Variants in SPHKAP observed in about 807,000 individuals in gnomAD.
SPHKAP encodes SPHK1 interactor, AKAP domain containing, also known as A-kinase anchor protein SPHKAP.
A neutral mutation model predicts 137.5 loss-of-function variants in SPHKAP; 67 were observed. The observed-to-expected ratio is 0.49, with a 90% CI of 0.40 to 0.60. The LOEUF (loss-of-function observed/expected upper bound fraction) is 0.60. Ranked by LOEUF, SPHKAP falls within the 20% of genes least tolerant of loss-of-function variation. The pLI is 0.00. For synonymous variants in SPHKAP, 813 were observed against 785.3 expected (o/e 1.04, Z -0.59); for missense variants, 2,097 against 2,069.3 (o/e 1.01, Z -0.26).
intron 3 of SPHKAP, among the ~76,000 whole-genome samples, chr2:228,030,435 A>T (rs1237390652): frequency 9.1e-6 from 1 of 109,440 alleles, no homozygotes; most frequent in Non-Finnish European, 1.8e-5. Context: ...AATCGCTTGA[A>T]GCTGGGAGGC....
chr2:228,077,038 G>T (rs909980567), intron 3 of SPHKAP, among the ~76,000 whole-genome samples: 1 of 152,206 alleles, frequency 6.6e-6, no homozygotes, highest in Admixed American at 6.5e-5. Context: ...TAGGGCTCAG[G>T]TTGTTGCTTC....
At chr2:228,075,508 T>C (rs1268487285) in intron 3 of SPHKAP, among the ~76,000 whole-genome samples, 5 of 152,198 alleles carry the variant, frequency 3.3e-5, no homozygotes, top group Non-Finnish European at 7.3e-5. Flanking sequence ...TTTTGAAATT[T>C]CTAGTAGGTT....
At chr2:228,180,243 C>T (rs919280283) in intron 1 of SPHKAP, among the ~76,000 whole-genome samples, 2 of 152,118 alleles carry the variant, frequency 1.3e-5, no homozygotes, top group Admixed American at 6.5e-5. Context: ...TTGCTATCCC[C>T]GCAGCGAAGG....
chr2:228,108,880 C>T lies in SPHKAP; in HGVS notation c.198G>A (p.Met66Ile). 1 of 1,610,340 alleles carries T rather than the reference C, an allele frequency of 6.2e-7. No homozygotes were observed. Among genetic ancestry groups the T allele is most frequent in the Non-Finnish European group, 8.5e-7 (1 of 1,179,192 alleles). The change falls in exon 3 of 12, where the codon ATG becomes ATA. Residue 66 changes from methionine to isoleucine, a missense_variant. Met to Ile is a conservative substitution (Grantham distance 10). Coordinates refer to ENST00000392056, the MANE Select transcript of SPHKAP (RefSeq NM_001142644.2). ...STDYWLQNQRMPCQIGFVEDK... is the reference protein window; with the variant it reads ...STDYWLQNQRIPCQIGFVEDK... ...CTTCTACAAAACCAATTTGGCAGGG[C>T]ATCCTCTGATTCTGCAACCAGTAGT... is the stretch of plus-strand genomic sequence containing the variant.
intron 3 of SPHKAP, among the ~76,000 whole-genome samples, chr2:228,099,706 C>A (rs946513819): frequency 1.3e-5 from 2 of 152,062 alleles, no homozygotes; most frequent in African/African-American, 4.8e-5. Context: ...TTTATTTCAG[C>A]AGTATTATGT....
chr2:228,181,570 G>T lies in SPHKAP; in HGVS notation c.29C>A (p.Pro10Gln). Reference protein sequence around the residue: MDGNSLLSVPSNLESSRMYD... With the variant: MDGNSLLSVQSNLESSRMYD... ...CATAGAAAGAAGCGGGTCTTACCTTGGTACCGAGAGCAGGGAGTTGCCATC... is the reference window on the plus strand; with the variant it reads ...CATAGAAAGAAGCGGGTCTTACCTTTGTACCGAGAGCAGGGAGTTGCCATC... The change falls in exon 1 of 12, where the codon CCA becomes CAA. Residue 10 changes from proline (P) to glutamine (Q), a missense_variant. By Grantham distance (76) the Pro-to-Gln change is moderately conservative. Transcript: ENST00000392056. The surrounding 1 kb of genome is among the most constrained non-coding windows in gnomAD (Gnocchi z 4.3). 6.2e-7 allele frequency: 1 copy of T among 1,614,210 alleles called. No individual in the cohort carries two copies. The highest frequency in any genetic ancestry group is 8.5e-7 in the Non-Finnish European group (1 of 1,180,026).
At chr2:228,105,090 T>A (rs910904780) in intron 3 of SPHKAP, among the ~76,000 whole-genome samples, 1 of 152,156 alleles carries the variant, frequency 6.6e-6, no homozygotes, top group African/African-American at 2.4e-5. Flanking sequence ...TGCCTCAGCC[T>A]CCTGAGTAGC....
rs1178901758 is a variant in SPHKAP, at chr2:228,181,244, C to T, written c.32+323G>A. Among the ~76,000 whole-genome samples, 2 of 152,168 alleles carry T rather than the reference C, an allele frequency of 1.3e-5. No individual in the cohort carries two copies. The highest frequency in any genetic ancestry group is 2.9e-5 in the Non-Finnish European group (2 of 68,038). On this transcript the variant is annotated intron_variant, in intron 1 of 11. Transcript: ENST00000392056. The surrounding 1 kb of genome is among the most constrained non-coding windows in gnomAD (Gnocchi z 4.3). ...GTGAAACCTCTCCAAGCTGTGTCCG[C>T]GGAAAGTCCGGCTCCTGGCTCCACC...
In SPHKAP at chr2:228,002,498, T is replaced by G. The variant is rs550592667; in HGVS notation, c.4449-6804A>C. On this transcript the variant is annotated intron_variant, in intron 7 of 11. Transcript: ENST00000392056. ...TGTCAGATGAGTAGATTGCAAAAAT[T>G]TTCTCCCATTTTGTAGGTTGCCTGT... Among the ~76,000 whole-genome samples, 558 of 152,332 alleles carry G rather than the reference T, an allele frequency of 3.7e-3. 3 individuals carry two copies. The highest frequency in any genetic ancestry group is 0.013 in the African/African-American group (524 of 41,566).
At chr2:228,136,533 G>A (rs1574883905) in intron 1 of SPHKAP, among the ~76,000 whole-genome samples, 2 of 152,166 alleles carry the variant, frequency 1.3e-5, no homozygotes, top group Non-Finnish European at 2.9e-5. Flanking sequence ...GGAATATCCA[G>A]TTATTTCCCT....
At chr2:228,031,829 T>C (rs982316162) in intron 3 of SPHKAP, among the ~76,000 whole-genome samples, 6 of 152,338 alleles carry the variant, frequency 3.9e-5, no homozygotes, top group African/African-American at 1.4e-4. Context: ...GGGTCCTGTC[T>C]GCTAGAAGGA....
intron 4 of SPHKAP, among the ~76,000 whole-genome samples, chr2:228,026,748 G>A (rs1695049195): frequency 6.6e-6 from 1 of 152,138 alleles, no homozygotes; most frequent in Non-Finnish European, 1.5e-5. Flanking sequence ...TAATCAATTA[G>A]CTGTGTGGGA....
chr2:227,994,250 A>AT (rs201521729), intron 8 of SPHKAP: 1,820 of 162,566 alleles, frequency 0.011, 13 homozygotes, highest in Non-Finnish European at 0.015. Flanking sequence ...AACACCTGGT[A>AT]CCTTTTTTAC....
chr2:228,062,733 AAAC>A (rs1227820529), intron 3 of SPHKAP, among the ~76,000 whole-genome samples: 3 of 152,262 alleles, frequency 2.0e-5, no homozygotes, highest in African/African-American at 7.2e-5. Context: ...AAAAGAAACA[AAAC>A]AAAATCATAA....
In SPHKAP at chr2:228,181,418, C is replaced by A; in HGVS notation, c.32+149G>T. 1 of 1,118,382 alleles carries A rather than the reference C, an allele frequency of 8.9e-7. No individual in the cohort carries two copies. The highest frequency in any genetic ancestry group is 1.3e-6 in the Non-Finnish European group (1 of 742,734). The allele number at this position is 1,118,382 out of a possible 1,614,324, so 69.3% of individuals were successfully genotyped here. On this transcript the variant is annotated intron_variant, in intron 1 of 11. Transcript: ENST00000392056. This position sits in a 1 kb window ranked among gnomAD's most constrained non-coding sequence, Gnocchi z 4.3. ...CCCTGTAGCTCCAGCGAGGCTGGGC[C>A]GGACTTATTTACAAGTGCAGTGACC...
intron 3 of SPHKAP, among the ~76,000 whole-genome samples, chr2:228,030,762 T>G (rs1164889184): frequency 2.6e-5 from 4 of 152,072 alleles, no homozygotes; most frequent in African/African-American, 9.7e-5. Flanking sequence ...AACTACTCTT[T>G]GGTCACCTCT....
chr2:228,056,363 C>T (rs906279191), intron 3 of SPHKAP, among the ~76,000 whole-genome samples: 2 of 152,028 alleles, frequency 1.3e-5, no homozygotes, highest in African/African-American at 4.8e-5. Flanking sequence ...TTGAAGTGGC[C>T]ATATCAAATG....
intron 1 of SPHKAP, among the ~76,000 whole-genome samples, chr2:228,136,954 T>A (rs544116994): frequency 6.6e-6 from 1 of 152,202 alleles, no homozygotes; most frequent in Non-Finnish European, 1.5e-5. Context: ...TCTCAGCTTA[T>A]AAATTACCTC....
At chr2:228,050,894 C>A (rs980560329) in intron 3 of SPHKAP, among the ~76,000 whole-genome samples, 1 of 152,176 alleles carries the variant, frequency 6.6e-6, no homozygotes, top group Non-Finnish European at 1.5e-5. Flanking sequence ...GCAGCCTCAA[C>A]TTCCTGGGCT....
Sources: allele counts gnomAD v4.1 joint callset (sites outside exome capture counted in the v4.1 genomes callset), GRCh38; gene constraint gnomAD v4.1.1; non-coding constraint Gnocchi (gnomAD v3.1); transcripts MANE v1.5; gene names NCBI Gene and HGNC (gene_info 2026-07-23, HGNC 2026-07-21).